TAS2R1: variants seen among roughly 807,000 people sequenced by gnomAD.
The protein encoded by TAS2R1 is taste receptor type 2 member 1.
For synonymous variants in TAS2R1, 141 were observed against 134.2 expected (o/e 1.05, Z -0.35); for missense variants, 370 against 353.4 (o/e 1.05, Z -0.38).
the TAS2R1 span, among the ~76,000 whole-genome samples, chr5:9,846,740 T>C: frequency 6.6e-6 from 1 of 152,138 alleles, no homozygotes; most frequent in African/African-American, 2.4e-5. Flanking sequence ...TTGTAAAACC[T>C]GAAATTTCTT....
the TAS2R1 span, among the ~76,000 whole-genome samples, chr5:9,898,008 C>G: frequency 2.0e-5 from 3 of 152,266 alleles, no homozygotes; most frequent in East Asian, 3.9e-4. Flanking sequence ...TCTAATGACA[C>G]GGGGACTCAC....
At chr5:9,718,772 G>A in the TAS2R1 span, among the ~76,000 whole-genome samples, 66 of 152,190 alleles carry the variant, frequency 4.3e-4, 1 homozygote, top group Non-Finnish European at 6.9e-4. Flanking sequence ...TATCTTCTAT[G>A]CAGTGGGATG....
chr5:9,800,437 T>A, the TAS2R1 span, among the ~76,000 whole-genome samples: 2 of 151,678 alleles, frequency 1.3e-5, no homozygotes, highest in East Asian at 3.9e-4. Flanking sequence ...GGAGGGAGGG[T>A]CTACTGTGGA....
chr5:9,674,494 C>T (rs911899394), intron 1 of TAS2R1, among the ~76,000 whole-genome samples: 11 of 152,012 alleles, frequency 7.2e-5, no homozygotes, highest in Non-Finnish European at 1.6e-4. Flanking sequence ...TAATCTCTAC[C>T]ACACAATTAA....
At chr5:9,630,779 AT>A (rs1202584614), upstream of TAS2R1, among the ~76,000 whole-genome samples, 3 of 152,122 alleles carry the variant, frequency 2.0e-5, no homozygotes, top group Non-Finnish European at 4.4e-5. Context: ...TTTCTCTCTT[AT>A]TTTTCCAAAA....
intron 2 of TAS2R1, among the ~76,000 whole-genome samples, chr5:9,650,359 G>T (rs893742070): frequency 2.7e-4 from 41 of 152,106 alleles, no homozygotes; most frequent in African/African-American, 8.7e-4. Flanking sequence ...CAGGAGGGGT[G>T]GGCACAATAA....
At chr5:9,760,872 G>C in the TAS2R1 span, 1 of 152,120 alleles carries the variant, frequency 6.6e-6, no homozygotes, top group Non-Finnish European at 1.5e-5. Context: ...GACAAGCAAG[G>C]GTTATACAGA....
At chr5:9,754,893 C>T in the TAS2R1 span, among the ~76,000 whole-genome samples, 1 of 152,184 alleles carries the variant, frequency 6.6e-6, no homozygotes, top group Non-Finnish European at 1.5e-5. Flanking sequence ...GAAAAAACTA[C>T]TTTAAAGTTC....
chr5:9,635,084 G>A (rs968980723), upstream of TAS2R1, among the ~76,000 whole-genome samples: 6 of 152,088 alleles, frequency 3.9e-5, no homozygotes, highest in African/African-American at 1.4e-4. Context: ...CTGTGGGTTT[G>A]TCCTAGATGG....
chr5:9,835,503 T>C, the TAS2R1 span, among the ~76,000 whole-genome samples: 4 of 152,362 alleles, frequency 2.6e-5, no homozygotes, highest in East Asian at 3.9e-4. Flanking sequence ...AATAATTGCT[T>C]GCTGTCACCT....
the TAS2R1 span, among the ~76,000 whole-genome samples, chr5:9,844,918 A>T: frequency 1.3e-5 from 2 of 152,208 alleles, no homozygotes; most frequent in African/African-American, 4.8e-5. Context: ...CAATGTCTTC[A>T]ATAGTGTCAA....
chr5:9,886,306 A>G, the TAS2R1 span, among the ~76,000 whole-genome samples: 1 of 149,086 alleles, frequency 6.7e-6, no homozygotes, highest in Non-Finnish European at 1.5e-5. Context: ...TGCTGGGATT[A>G]CAGGTGTGAG....
chr5:9,820,534 C>A, the TAS2R1 span, among the ~76,000 whole-genome samples: 665 of 152,262 alleles, frequency 4.4e-3, 5 homozygotes, highest in East Asian at 0.057. Flanking sequence ...ATTATATAAT[C>A]CTTTTTAGCA....
chr5:9,632,794 C>A (rs1739892965), upstream of TAS2R1, among the ~76,000 whole-genome samples: 3 of 152,152 alleles, frequency 2.0e-5, no homozygotes, highest in Non-Finnish European at 4.4e-5. Context: ...TCCACCACAT[C>A]TCCGGCTATT....
the TAS2R1 span, among the ~76,000 whole-genome samples, chr5:9,719,195 A>G: frequency 2.0e-5 from 3 of 152,226 alleles, no homozygotes; most frequent in African/African-American, 7.2e-5. Context: ...AGGAAGGACC[A>G]TGATACACAT....
At chr5:9,667,626 C>T (rs987501512) in intron 1 of TAS2R1, among the ~76,000 whole-genome samples, 4 of 152,106 alleles carry the variant, frequency 2.6e-5, no homozygotes, top group East Asian at 3.9e-4. Flanking sequence ...GAACACCCAA[C>T]AAAAGAAATG....
the TAS2R1 span, among the ~76,000 whole-genome samples, chr5:9,778,213 T>C: frequency 6.6e-6 from 1 of 152,198 alleles, no homozygotes; most frequent in Non-Finnish European, 1.5e-5. Flanking sequence ...AGTAGTAATA[T>C]TCTGAAAAAA....
the TAS2R1 span, among the ~76,000 whole-genome samples, chr5:9,744,267 C>T: frequency 2.4e-3 from 368 of 152,260 alleles, 2 homozygotes; most frequent in African/African-American, 8.4e-3. Context: ...TTTGGAATTG[C>T]CATACTTCTA....
intron 1 of TAS2R1, among the ~76,000 whole-genome samples, chr5:9,682,652 T>C (rs1579781860): frequency 6.6e-6 from 1 of 152,124 alleles, no homozygotes; most frequent in Non-Finnish European, 1.5e-5. Flanking sequence ...TTTTAACATT[T>C]CACAGGGCAG....
Sources: allele counts gnomAD v4.1 joint callset (sites outside exome capture counted in the v4.1 genomes callset), GRCh38; gene constraint gnomAD v4.1.1; transcripts MANE v1.5; gene names NCBI Gene and HGNC (gene_info 2026-07-23, HGNC 2026-07-21).